Variants in MAGED1 observed in about 807,000 individuals in gnomAD.
The protein encoded by MAGED1 is MAGE family member D1.
Under a neutral mutation model 54.1 loss-of-function variants are expected in MAGED1, and 3 were observed. That is an observed-to-expected ratio of 0.06 (90% CI 0.03 to 0.14). MAGED1 has a LOEUF of 0.14. MAGED1 is among the 10% of genes least tolerant of loss of function. The pLI is 1.00. For synonymous variants in MAGED1, 217 were observed against 227.3 expected (o/e 0.95, Z 0.41); for missense variants, 485 against 623.4 (o/e 0.78, Z 2.36).
At chrX:51,844,783 A>G (rs1926624037) in intron 1 of MAGED1, among the ~76,000 whole-genome samples, 1 of 111,905 alleles carries the variant, frequency 8.9e-6, no homozygotes, top group Non-Finnish European at 1.9e-5. Context: ...TAATGGAGTG[A>G]ATACTGAGAC....
intron 1 of MAGED1, among the ~76,000 whole-genome samples, chrX:51,806,351 A>G (rs1418112251): frequency 8.9e-6 from 1 of 111,813 alleles, no homozygotes; most frequent in African/African-American, 3.3e-5. Flanking sequence ...CCCTAAATGT[A>G]TCCCTTATTT....
At chrX:51,879,348 A>G (rs1927978980) in intron 1 of MAGED1, among the ~76,000 whole-genome samples, 1 of 111,521 alleles carries the variant, frequency 9.0e-6, no homozygotes, top group African/African-American at 3.2e-5. Context: ...TTGGTGATCA[A>G]TTCATTCTGT....
At chrX:51,842,139 G>A (rs1326503561) in intron 1 of MAGED1, among the ~76,000 whole-genome samples, 1 of 111,805 alleles carries the variant, frequency 8.9e-6, no homozygotes, top group African/African-American at 3.3e-5. Flanking sequence ...GATACTTTTG[G>A]TGTTTTCTTC....
rs138624949 is a variant in MAGED1, at chrX:51,896,717, G to A, written c.1062G>A (p.Val354=). ...ACCCAGTAATCTGGCAGAACCCAGTGATCTGGCCAAACCCCATTGTCTGGC... is the reference window on the plus strand; with the variant it reads ...ACCCAGTAATCTGGCAGAACCCAGTAATCTGGCCAAACCCCATTGTCTGGC... ...WPNPVIWQNP[V]IWPNPIVWPG... The change falls in exon 4 of 13, where the codon GTG becomes GTA. Residue 354 remains valine (V), a synonymous_variant. Coordinates refer to ENST00000326587, the MANE Select transcript of MAGED1 (RefSeq NM_006986.4). 736 of 1,210,702 alleles carry A rather than the reference G, an allele frequency of 6.1e-4. No individual in the cohort carries two copies. The highest frequency in any genetic ancestry group is 7.5e-4 in the Non-Finnish European group (675 of 895,338).
chrX:51,875,704 T>C (rs1412156976), intron 1 of MAGED1, among the ~76,000 whole-genome samples: 1 of 111,282 alleles, frequency 9.0e-6, no homozygotes, highest in Non-Finnish European at 1.9e-5. Context: ...TTATAATTTT[T>C]TTATCAAATG....
At chrX:51,809,856 T>C (rs964245736) in intron 1 of MAGED1, among the ~76,000 whole-genome samples, 6 of 111,656 alleles carry the variant, frequency 5.4e-5, no homozygotes, top group African/African-American at 2.0e-4. Context: ...TCTTTCAATC[T>C]TTCTGCATTA....
At chrX:51,894,198 A>C (rs1928584342) in intron 1 of MAGED1, 71 bp from the exon 2 acceptor site, 1 of 590,365 alleles carries the variant, frequency 1.7e-6, no homozygotes, top group Non-Finnish European at 2.8e-6. Flanking sequence ...GTCAGACCAC[A>C]GTCACCCCCC....
chrX:51,848,306 G>T (rs1926759793), intron 1 of MAGED1, among the ~76,000 whole-genome samples: 1 of 111,206 alleles, frequency 9.0e-6, no homozygotes, highest in Non-Finnish European at 1.9e-5. Flanking sequence ...ATATCTTCTA[G>T]TCTGCGGCCT....
chrX:51,873,558 A>AGAGT (rs1927768671), intron 1 of MAGED1, among the ~76,000 whole-genome samples: 1 of 105,819 alleles, frequency 9.5e-6, no homozygotes, highest in Non-Finnish European at 2.0e-5. Context: ...AGAGAGAGAG[A>AGAGT]GAAGTTGGGG....
intron 1 of MAGED1, among the ~76,000 whole-genome samples, chrX:51,828,553 T>C (rs1384272677): frequency 9.0e-6 from 1 of 110,647 alleles, no homozygotes; most frequent in Non-Finnish European, 1.9e-5. Context: ...TGTAAACAAA[T>C]CATAAGTGCT....
chrX:51,865,647 T>C (rs1274259513), intron 1 of MAGED1, among the ~76,000 whole-genome samples: 1 of 111,971 alleles, frequency 8.9e-6, no homozygotes, highest in African/African-American at 3.2e-5. Flanking sequence ...TGCCTTGATA[T>C]AAATCTTGCA....
chrX:51,809,562 A>C (rs1267880218), intron 1 of MAGED1, among the ~76,000 whole-genome samples: 1 of 111,715 alleles, frequency 9.0e-6, no homozygotes, highest in Non-Finnish European at 1.9e-5. Context: ...CTATTTACTG[A>C]CATTTAGAGC....
intron 1 of MAGED1, among the ~76,000 whole-genome samples, chrX:51,823,421 G>T (rs1158149840): frequency 2.7e-5 from 3 of 111,699 alleles, no homozygotes; most frequent in African/African-American, 9.7e-5. Flanking sequence ...AGTCTATTTT[G>T]TCTGCTATTA....
intron 1 of MAGED1, among the ~76,000 whole-genome samples, chrX:51,872,793 T>G (rs782440224): frequency 8.9e-6 from 1 of 112,177 alleles, no homozygotes; most frequent in Non-Finnish European, 1.9e-5. Context: ...CCATGACAGT[T>G]TACAAATGCC....
intron 1 of MAGED1, among the ~76,000 whole-genome samples, chrX:51,810,283 A>G (rs1203581615): frequency 1.8e-5 from 2 of 111,430 alleles, no homozygotes; most frequent in African/African-American, 6.5e-5. Flanking sequence ...GGAACTATGT[A>G]ATTTTTCAGT....
At chrX:51,874,000 G>A (rs951883165) in intron 1 of MAGED1, among the ~76,000 whole-genome samples, 1 of 111,532 alleles carries the variant, frequency 9.0e-6, no homozygotes, top group East Asian at 2.8e-4. Context: ...AACATGGTAA[G>A]AAAAAACAGT....
intron 1 of MAGED1, among the ~76,000 whole-genome samples, chrX:51,847,044 A>C (rs1926712797): frequency 8.9e-6 from 1 of 112,717 alleles, no homozygotes. Flanking sequence ...TAAACAAACA[A>C]ATATGTATCT....
At chrX:51,862,086 A>G (rs1281737039) in intron 1 of MAGED1, among the ~76,000 whole-genome samples, 3 of 111,802 alleles carry the variant, frequency 2.7e-5, no homozygotes, top group Non-Finnish European at 5.6e-5. Flanking sequence ...GCTGTTTTCA[A>G]TCCTGAAAGC....
At chrX:51,820,703 A>T (rs1557356461) in intron 1 of MAGED1, among the ~76,000 whole-genome samples, 1 of 112,118 alleles carries the variant, frequency 8.9e-6, no homozygotes, top group Non-Finnish European at 1.9e-5. Flanking sequence ...TGCAGTGATC[A>T]AATCAGGGTA....
Sources: allele counts gnomAD v4.1 joint callset (sites outside exome capture counted in the v4.1 genomes callset), GRCh38; gene constraint gnomAD v4.1.1; transcripts MANE v1.5; gene names NCBI Gene and HGNC (gene_info 2026-07-23, HGNC 2026-07-21).